The following PTPRD variants were observed in gnomAD, a reference collection of about 807,000 sequenced individuals.
PTPRD encodes receptor-type tyrosine-protein phosphatase delta.
A neutral mutation model predicts 214.5 loss-of-function variants in PTPRD; 34 were observed. The observed-to-expected ratio is 0.16, with a 90% CI of 0.12 to 0.21. The LOEUF is 0.21. Ranked by LOEUF, PTPRD falls within the 10% of genes least tolerant of loss-of-function variation. PTPRD has a pLI of 1.00. For synonymous variants in PTPRD, 1,128 were observed against 845.7 expected (o/e 1.33, Z -5.79); for missense variants, 2,545 against 2,398.7 (o/e 1.06, Z -1.27).
chr9:9,509,942 C>G (rs569096275), intron 8 of PTPRD, among the ~76,000 whole-genome samples: 38 of 151,808 alleles, frequency 2.5e-4, no homozygotes, highest in African/African-American at 9.2e-4. Context: ...GTTTCCATTT[C>G]CAACTGGCTG....
intron 5 of PTPRD, among the ~76,000 whole-genome samples, chr9:9,818,601 T>C (rs1486475388): frequency 1.3e-5 from 2 of 152,026 alleles, no homozygotes; most frequent in Non-Finnish European, 2.9e-5. Context: ...ATTAGACCAA[T>C]ACTAACAAAC....
At chr9:9,233,154 T>C (rs1009545346) in intron 9 of PTPRD, among the ~76,000 whole-genome samples, 12 of 152,134 alleles carry the variant, frequency 7.9e-5, no homozygotes, top group African/African-American at 2.7e-4. Context: ...AGAGGTTTAA[T>C]TGACTCCCAG....
chr9:10,511,841 C>G (rs1011302818), intron 2 of PTPRD, among the ~76,000 whole-genome samples: 1 of 135,486 alleles, frequency 7.4e-6, no homozygotes, highest in Non-Finnish European at 1.6e-5. Flanking sequence ...ACCATGGAAC[C>G]ATATACATAT....
intron 11 of PTPRD, among the ~76,000 whole-genome samples, chr9:8,799,771 T>A (rs114181068): frequency 6.6e-6 from 1 of 152,256 alleles, no homozygotes; most frequent in African/African-American, 2.4e-5. Context: ...GTCACTCTTA[T>A]TTACTCTACC....
chr9:10,005,397 C>T (rs546091890), intron 4 of PTPRD, among the ~76,000 whole-genome samples: 111 of 152,226 alleles, frequency 7.3e-4, no homozygotes, highest in African/African-American at 2.6e-3. Context: ...TCAGTTCCTG[C>T]GGACTGCTGC....
chr9:10,545,274 T>C (rs2059947643), intron 2 of PTPRD, among the ~76,000 whole-genome samples: 1 of 152,188 alleles, frequency 6.6e-6, no homozygotes. Flanking sequence ...GAGAGAATTC[T>C]TTCCCTTCCC....
intron 11 of PTPRD, among the ~76,000 whole-genome samples, chr9:8,973,783 T>C (rs934034998): frequency 6.6e-6 from 1 of 152,128 alleles, no homozygotes; most frequent in East Asian, 1.9e-4. Context: ...GGCATCTCAT[T>C]GTGGTTTTGA....
chr9:10,294,624 T>A (rs2095623235), intron 3 of PTPRD, among the ~76,000 whole-genome samples: 1 of 151,972 alleles, frequency 6.6e-6, no homozygotes, highest in East Asian at 1.9e-4. Flanking sequence ...TTCTAAATAT[T>A]TATAGTTGGA....
At chr9:10,312,915 A>T (rs2096307695) in intron 3 of PTPRD, among the ~76,000 whole-genome samples, 1 of 151,980 alleles carries the variant, frequency 6.6e-6, no homozygotes, top group South Asian at 2.1e-4. Context: ...GAACGAACAC[A>T]TTCTTGGTAA....
intron 3 of PTPRD, among the ~76,000 whole-genome samples, chr9:10,284,194 G>T (rs1247630072): frequency 6.6e-6 from 1 of 152,042 alleles, no homozygotes; most frequent in Non-Finnish European, 1.5e-5. Context: ...TGGCACTCCA[G>T]CCTGTGTGAC....
At chr9:10,312,707 G>C (rs12380264) in intron 3 of PTPRD, among the ~76,000 whole-genome samples, 2 of 151,790 alleles carry the variant, frequency 1.3e-5, no homozygotes, top group Non-Finnish European at 2.9e-5. Flanking sequence ...ACAGAAAAGA[G>C]AGTAAGACAA....
intron 31 of PTPRD, among the ~76,000 whole-genome samples, chr9:8,470,709 C>T (rs2096636264): frequency 1.3e-5 from 2 of 152,148 alleles, no homozygotes; most frequent in South Asian, 4.1e-4. Flanking sequence ...TCACCTTCCA[C>T]ACCTCTACAT....
intron 9 of PTPRD, among the ~76,000 whole-genome samples, chr9:9,314,028 T>C (rs1467594490): frequency 6.6e-6 from 1 of 152,122 alleles, no homozygotes; most frequent in Non-Finnish European, 1.5e-5. Context: ...TGTTTTACTC[T>C]AACAAATAAG....
At position 9,325,235 on chromosome 9, in the gene PTPRD, C is replaced by A. The variant is rs541071580; in HGVS notation, c.-203+72214G>T. Among the ~76,000 whole-genome samples the A allele has an allele frequency of 3.5e-4, 54 of 152,138 alleles. No individual in the cohort carries two copies. The South Asian group carries it at 8.7e-3, about 25-fold the overall frequency. On this transcript the variant is annotated intron_variant, in intron 9 of 45. Coordinates refer to ENST00000381196, the MANE Select transcript of PTPRD (RefSeq NM_002839.4). ...TTTCTCCAATTCTGTGAAGAAAGTCCTTGGTAGCTTGATGGGGATGGCATT... is the reference window on the plus strand; with the variant it reads ...TTTCTCCAATTCTGTGAAGAAAGTCATTGGTAGCTTGATGGGGATGGCATT...
intron 9 of PTPRD, among the ~76,000 whole-genome samples, chr9:9,391,319 A>T (rs2065769924): frequency 6.6e-6 from 1 of 152,206 alleles, no homozygotes; most frequent in African/African-American, 2.4e-5. Context: ...ATAAACAAGG[A>T]GACATTTCAT....
chr9:8,452,566 A>G (rs2096003025), intron 33 of PTPRD, among the ~76,000 whole-genome samples: 2 of 152,234 alleles, frequency 1.3e-5, no homozygotes, highest in African/African-American at 4.8e-5. Flanking sequence ...TAATGAATAG[A>G]AACAGATTTT....
chr9:8,815,227 G>A (rs2096897001), intron 11 of PTPRD, among the ~76,000 whole-genome samples: 1 of 151,846 alleles, frequency 6.6e-6, no homozygotes, highest in Non-Finnish European at 1.5e-5. Flanking sequence ...GATATAAGCT[G>A]TTTCCCGTTC....
chr9:10,607,088 C>T (rs2133631467), intron 2 of PTPRD, among the ~76,000 whole-genome samples: 1 of 151,974 alleles, frequency 6.6e-6, no homozygotes, highest in South Asian at 2.1e-4. Context: ...TATCTCTGAT[C>T]TCATGTGAAA....
At chr9:9,253,331 C>A (rs1433502371) in intron 9 of PTPRD, among the ~76,000 whole-genome samples, 3 of 151,874 alleles carry the variant, frequency 2.0e-5, no homozygotes, top group Non-Finnish European at 4.4e-5. Flanking sequence ...TATTAATTTA[C>A]AATTTTTAAA....
Sources: gnomAD v4.1 joint callset for allele counts (sites outside exome capture counted in the v4.1 genomes callset) on GRCh38, gnomAD v4.1.1 for gene constraint, MANE v1.5 for transcripts, NCBI Gene and HGNC (gene_info 2026-07-23, HGNC 2026-07-21) for gene names.